Variants in PCDH15 observed in about 807,000 individuals in gnomAD.
PCDH15 encodes the protein protocadherin-15.
In PCDH15, 129 loss-of-function variants were observed where a neutral mutation model predicts 178.5. That is an observed-to-expected ratio of 0.72 (90% CI 0.63 to 0.84). The LOEUF (loss-of-function observed/expected upper bound fraction) is 0.84. PCDH15 is among the 40% of genes least tolerant of loss of function. The pLI is 0.00. For synonymous variants in PCDH15, 800 were observed against 732.0 expected (o/e 1.09, Z -1.50); for missense variants, 2,230 against 2,099.9 (o/e 1.06, Z -1.21).
At chr10:55,272,166 G>T (rs1445263588) in intron 1 of PCDH15, among the ~76,000 whole-genome samples, 1 of 151,568 alleles carries the variant, frequency 6.6e-6, no homozygotes, top group Non-Finnish European at 1.5e-5. Context: ...GCCAATTAGA[G>T]GACTAAATGA....
intron 1 of PCDH15, among the ~76,000 whole-genome samples, chr10:54,683,039 A>T (rs1324254221): frequency 6.6e-6 from 1 of 152,158 alleles, no homozygotes; most frequent in Non-Finnish European, 1.5e-5. Context: ...TCTATAATTT[A>T]AAAATGTGCA....
At chr10:53,825,958 T>G (rs1403922467) in intron 32 of PCDH15, among the ~76,000 whole-genome samples, 2 of 151,624 alleles carry the variant, frequency 1.3e-5, no homozygotes, top group South Asian at 4.2e-4. Flanking sequence ...CCAGATGATG[T>G]TATAGTATAC....
intron 2 of PCDH15, among the ~76,000 whole-genome samples, chr10:54,582,276 A>T (rs2091109469): frequency 6.6e-6 from 1 of 152,148 alleles, no homozygotes; most frequent in African/African-American, 2.4e-5. Context: ...AAGGACATGA[A>T]GAGGTACTTC....
At chr10:55,016,190 G>A (rs139222885) in intron 2 of PCDH15, among the ~76,000 whole-genome samples, 113 of 150,532 alleles carry the variant, frequency 7.5e-4, no homozygotes, top group African/African-American at 2.3e-3. Context: ...CATACAATGC[G>A]TAATAATCAC....
chr10:55,107,749 A>G (rs1591908803), intron 2 of PCDH15, among the ~76,000 whole-genome samples: 1 of 141,696 alleles, frequency 7.1e-6, no homozygotes, highest in Non-Finnish European at 1.5e-5. Context: ...CACCCCCCTC[A>G]GCCTCCAAAA....
chr10:54,030,964 C>CTA (rs2093275386), intron 18 of PCDH15, among the ~76,000 whole-genome samples: 2 of 151,954 alleles, frequency 1.3e-5, no homozygotes, highest in Admixed American at 6.6e-5. Flanking sequence ...AAGGAGCAGG[C>CTA]TTCATTGGAA....
chr10:53,823,983 T>C (rs1588947833), intron 32 of PCDH15, among the ~76,000 whole-genome samples: 1 of 152,128 alleles, frequency 6.6e-6, no homozygotes, highest in African/African-American at 2.4e-5. Flanking sequence ...GTTTAAATTT[T>C]GTGCTTAATT....
At chr10:54,415,070 TA>T (rs1228179008) in intron 3 of PCDH15, among the ~76,000 whole-genome samples, 3 of 152,120 alleles carry the variant, frequency 2.0e-5, no homozygotes, top group Non-Finnish European at 2.9e-5. Context: ...TAGAAATGTT[TA>T]AAATGTTTCA....
At chr10:53,873,635 A>T (rs1244475025) in intron 26 of PCDH15, among the ~76,000 whole-genome samples, 1 of 152,240 alleles carries the variant, frequency 6.6e-6, no homozygotes, top group South Asian at 2.1e-4. Flanking sequence ...AAAACAACAA[A>T]TGTTCGATAA....
chr10:54,515,761 G>A (rs533888915), intron 3 of PCDH15, among the ~76,000 whole-genome samples: 4 of 152,280 alleles, frequency 2.6e-5, no homozygotes, highest in East Asian at 1.9e-4. Context: ...TCACACGGTC[G>A]GGTACTCCTC....
At chr10:55,106,669 G>A (rs1468419997) in intron 2 of PCDH15, among the ~76,000 whole-genome samples, 1 of 152,110 alleles carries the variant, frequency 6.6e-6, no homozygotes, top group Non-Finnish European at 1.5e-5. Context: ...ACCCACCTCG[G>A]CCTCCCAAAG....
intron 2 of PCDH15, among the ~76,000 whole-genome samples, chr10:55,345,153 C>G (rs1302508868): frequency 6.6e-6 from 1 of 151,372 alleles, no homozygotes; most frequent in Non-Finnish European, 1.5e-5. Context: ...CTCTCTCTCT[C>G]TCTCTATATA....
intron 8 of PCDH15, among the ~76,000 whole-genome samples, chr10:54,259,508 G>A (rs564745064): frequency 1.4e-4 from 21 of 152,238 alleles, no homozygotes; most frequent in Middle Eastern, 6.8e-3. Flanking sequence ...AAAGTGACAC[G>A]GAGACTAAGA....
At chr10:54,628,566 G>C (rs777284238) in intron 2 of PCDH15, among the ~76,000 whole-genome samples, 2 of 152,142 alleles carry the variant, frequency 1.3e-5, no homozygotes, top group Admixed American at 6.6e-5. Context: ...AGTCATGCCA[G>C]TAATTCGTCT....
chr10:54,204,911 A>T (rs879552451), intron 10 of PCDH15, among the ~76,000 whole-genome samples: 2 of 152,210 alleles, frequency 1.3e-5, no homozygotes, highest in Non-Finnish European at 2.9e-5. Flanking sequence ...CTGCCTTAAA[A>T]TAATCTAAGG....
At chr10:54,973,558 G>A (rs901822224) in intron 2 of PCDH15, among the ~76,000 whole-genome samples, 28 of 152,164 alleles carry the variant, frequency 1.8e-4, no homozygotes, top group Admixed American at 3.3e-4. Context: ...CCTGCTTGCA[G>A]TAGTTTCAGA....
intron 37 of PCDH15, chr10:53,808,622 G>C: frequency 6.6e-7 from 1 of 1,523,930 alleles, no homozygotes. Flanking sequence ...TGTCACTTTG[G>C]AGAACACACA....
intron 2 of PCDH15, among the ~76,000 whole-genome samples, chr10:54,648,561 T>C (rs992630588): frequency 1.3e-5 from 2 of 152,148 alleles, no homozygotes; most frequent in Admixed American, 6.6e-5. Flanking sequence ...TAATTTTGTG[T>C]AACTTAAATG....
chr10:55,449,085 A>G (rs1589037594), intron 2 of PCDH15, among the ~76,000 whole-genome samples: 1 of 152,134 alleles, frequency 6.6e-6, no homozygotes, highest in East Asian at 1.9e-4. Flanking sequence ...TGATTGAGGT[A>G]ATTATTCTCA....
Sources: allele counts gnomAD v4.1 joint callset (sites outside exome capture counted in the v4.1 genomes callset), GRCh38; gene constraint gnomAD v4.1.1; transcripts MANE v1.5; gene names NCBI Gene and HGNC (gene_info 2026-07-23, HGNC 2026-07-21).